Variants in SMG7 observed in about 807,000 individuals in gnomAD.
SMG7 encodes the protein nonsense-mediated mRNA decay factor SMG7.
Under a neutral mutation model 148.2 loss-of-function variants are expected in SMG7, and 34 were observed. The observed-to-expected ratio is 0.23, with a 90% CI of 0.17 to 0.31. The LOEUF (loss-of-function observed/expected upper bound fraction) is 0.31, where lower values mean the gene tolerates loss of function less well. Ranked by LOEUF, SMG7 falls within the 10% of genes least tolerant of loss-of-function variation. The pLI, the probability that SMG7 is intolerant of heterozygous loss-of-function variation, is 1.00. For missense variants in SMG7, 1,114 were observed against 1,408.4 expected, an observed-to-expected ratio of 0.79 and a Z score of 3.35; for synonymous variants, 492 against 515.1, an observed-to-expected ratio of 0.96 and a Z score of 0.61.
chr1:183,553,237 C>A lies in SMG7; in HGVS notation c.*1306C>A. The A allele has an allele frequency of 6.7e-7, 1 of 1,501,766 alleles. No homozygotes were observed. Among genetic ancestry groups the A allele is most frequent in the Non-Finnish European group, 8.9e-7 (1 of 1,120,834 alleles). 93.0% of individuals were successfully genotyped at this position (1,501,766 alleles called of 1,614,324 possible). On this transcript the variant is annotated 3_prime_UTR_variant, in exon 23 of 23. Coordinates refer to ENST00000688051, the MANE Select transcript of SMG7 (RefSeq NM_001375584.1). The stretch of plus-strand genomic sequence containing the variant: ...TGATATTTATTAGGAGGAAAGAGGA[C>A]TGAAAATGTTCTTGTGTAGAAACAG...
intron 8 of SMG7, 28 bp from the exon 9 acceptor site, chr1:183,533,136 T>C: frequency 6.3e-7 from 1 of 1,599,318 alleles, no homozygotes; most frequent in Non-Finnish European, 8.5e-7. Flanking sequence ...CTTGATAATA[T>C]ATGCAGTACG....
chr1:183,525,128 A>C (rs1310809590), intron 4 of SMG7, among the ~76,000 whole-genome samples: 1 of 152,210 alleles, frequency 6.6e-6, no homozygotes, highest in African/African-American at 2.4e-5. Flanking sequence ...CAGTGTGAAG[A>C]ACTGTGTGCG....
chr1:183,482,880 T>A lies in SMG7; in HGVS notation c.29+10231T>A, dbSNP rs569212474. On this transcript the variant is annotated intron_variant, in intron 1 of 22. Transcript: ENST00000688051. ...GGCTAATAGGACTTCATTTATAGAA[T>A]CCTCACCTTGAGATAAGGAGGTAGA... Among the ~76,000 whole-genome samples the A allele has an allele frequency of 2.1e-3, 318 of 152,202 alleles. 1 individual carries two copies. Among genetic ancestry groups the A allele is most frequent in the African/African-American group, 6.4e-3 (267 of 41,542 alleles).
intron 16 of SMG7, among the ~76,000 whole-genome samples, chr1:183,545,730 T>C (rs370055733): frequency 2.0e-5 from 3 of 152,204 alleles, no homozygotes; most frequent in African/African-American, 7.2e-5. Context: ...AATATATTCA[T>C]TCATTCATTA....
chr1:183,502,837 T>G (rs760085450), intron 1 of SMG7, among the ~76,000 whole-genome samples: 11 of 152,220 alleles, frequency 7.2e-5, no homozygotes, highest in Non-Finnish European at 1.3e-4. Context: ...CCCAAGTGCC[T>G]GTAGAAATAG....
chr1:183,483,545 T>C (rs1307996076), intron 1 of SMG7, among the ~76,000 whole-genome samples: 3 of 152,162 alleles, frequency 2.0e-5, no homozygotes, highest in Non-Finnish European at 4.4e-5. Context: ...AGAACCACCA[T>C]AGGATAAATT....
Position 183,553,247 on chromosome 1 carries a change from T to C in SMG7, c.*1316T>C. 1 of 1,484,276 alleles carries C rather than the reference T, an allele frequency of 6.7e-7. No homozygotes were observed. The highest frequency in any genetic ancestry group is 9.0e-7 in the Non-Finnish European group (1 of 1,108,128). 91.9% of individuals were successfully genotyped at this position (1,484,276 alleles called of 1,614,324 possible). A position where few individuals can be genotyped will look rare whatever the true frequency, so the allele number is the denominator to read the frequency against. On this transcript the variant is annotated 3_prime_UTR_variant, in exon 23 of 23. Transcript: ENST00000688051. ...TAGGAGGAAAGAGGACTGAAAATGT[T>C]CTTGTGTAGAAACAGAAGGACAGCA...
chr1:183,495,528 T>TTA (rs1253936381), intron 1 of SMG7, among the ~76,000 whole-genome samples: 9 of 152,160 alleles, frequency 5.9e-5, no homozygotes, highest in African/African-American at 2.2e-4. Flanking sequence ...GAAGAGTTCT[T>TTA]TATCAGATTC....
chr1:183,486,001 C>T (rs1229519276), intron 1 of SMG7, among the ~76,000 whole-genome samples: 2 of 152,174 alleles, frequency 1.3e-5, no homozygotes, highest in African/African-American at 2.4e-5. Context: ...ACTTCCCAGT[C>T]TTAATTTCTT....
chr1:183,539,417 T>C (rs528745932), intron 12 of SMG7, among the ~76,000 whole-genome samples: 2 of 152,316 alleles, frequency 1.3e-5, no homozygotes, highest in South Asian at 4.1e-4. Flanking sequence ...TGCCTCTGAA[T>C]GTTGTTGTTT....
chr1:183,472,562 C>G lies in SMG7; in HGVS notation c.-59C>G, dbSNP rs1650905773. 8 of 1,367,738 alleles carry G rather than the reference C, an allele frequency of 5.8e-6. No homozygotes were observed. Among genetic ancestry groups the G allele is most frequent in the Non-Finnish European group, 6.6e-6 (7 of 1,052,916 alleles). The allele number at this position is 1,367,738 out of a possible 1,614,324, so 84.7% of individuals were successfully genotyped here. ...CACCCGCGGTGCCGCGGGGCCGCTC[C>G]GAGGAGCCTGAGAGACCCACGGAGG... On this transcript the variant is annotated 5_prime_UTR_variant, in exon 1 of 23. Coordinates refer to ENST00000688051, the MANE Select transcript of SMG7 (RefSeq NM_001375584.1).
At chr1:183,485,382 G>T (rs138211264) in intron 1 of SMG7, among the ~76,000 whole-genome samples, 63 of 152,260 alleles carry the variant, frequency 4.1e-4, no homozygotes, top group African/African-American at 1.5e-3. Context: ...TAGATAATAA[G>T]CGGGAAGTGG....
At chr1:183,534,922 T>A (rs1175198036) in intron 10 of SMG7, among the ~76,000 whole-genome samples, 4 of 152,046 alleles carry the variant, frequency 2.6e-5, no homozygotes, top group African/African-American at 9.7e-5. Context: ...ATAAGCTCTT[T>A]CCATGATATA....
At chr1:183,521,132 T>A (rs913375224) in intron 4 of SMG7, among the ~76,000 whole-genome samples, 2 of 150,400 alleles carry the variant, frequency 1.3e-5, no homozygotes, top group Non-Finnish European at 3.0e-5. Context: ...GAGGCTGGAG[T>A]GCAGTGGCAC....
intron 1 of SMG7, among the ~76,000 whole-genome samples, chr1:183,510,192 A>G (rs1661818123): frequency 6.6e-6 from 1 of 152,176 alleles, no homozygotes; most frequent in East Asian, 1.9e-4. Flanking sequence ...TCGCAACTCA[A>G]GGACAAAATG....
At position 183,542,925 on chromosome 1, in the gene SMG7, A is replaced by ATGTGTG. The variant is rs761811792; in HGVS notation, c.1842+424_1842+425insGTGTGT. On this transcript the variant is annotated intron_variant, in intron 14 of 22. Transcript: ENST00000688051. ...TTTTTAGATTCACTATAATATATATATATGTGTGTGTGTGTGTGTGTGTGT... is the reference window on the plus strand; with the variant it reads ...TTTTTAGATTCACTATAATATATATATGTGTGTATGTGTGTGTGTGTGTGTGTGTGT... Among the ~76,000 whole-genome samples the ATGTGTG allele has an allele frequency of 2.7e-3, 386 of 141,616 alleles. 4 individuals are homozygous for ATGTGTG. Among genetic ancestry groups the ATGTGTG allele is most frequent in the African/African-American group, 5.4e-3 (194 of 36,122 alleles). 92.9% of individuals were successfully genotyped at this position (141,616 alleles called of 152,430 possible).
chr1:183,508,493 AT>A (rs1013514552), intron 1 of SMG7, among the ~76,000 whole-genome samples: 5 of 152,136 alleles, frequency 3.3e-5, no homozygotes, highest in South Asian at 2.1e-4. Context: ...TGCCTGGCCT[AT>A]TTTTTTCTTT....
At position 183,553,160 on chromosome 1, in the gene SMG7, C is replaced by T. The variant is rs979211275; in HGVS notation, c.*1229C>T. 34 of 1,536,280 alleles carry T rather than the reference C, an allele frequency of 2.2e-5. No homozygotes were observed. The highest frequency in any genetic ancestry group is 1.7e-4 in the Middle Eastern group (1 of 6,012). On this transcript the variant is annotated 3_prime_UTR_variant, in exon 23 of 23. Coordinates refer to ENST00000688051, the MANE Select transcript of SMG7 (RefSeq NM_001375584.1). Reference sequence around the variant, plus strand: ...TGCCCATCAGGCACAGAAGAAAACACGACGTCGTCCATTTTGGAAGAGACG... The same window carrying T: ...TGCCCATCAGGCACAGAAGAAAACATGACGTCGTCCATTTTGGAAGAGACG...
intron 14 of SMG7, 121 bp downstream of exon 14, chr1:183,542,623 T>G (rs1169316996): frequency 4.0e-6 from 3 of 746,302 alleles, no homozygotes; most frequent in African/African-American, 1.8e-5. Flanking sequence ...ATTATTTAAT[T>G]GCATAGTAAG....
Sources: gnomAD v4.1 joint callset for allele counts (sites outside exome capture counted in the v4.1 genomes callset) on GRCh38, gnomAD v4.1.1 for gene constraint, MANE v1.5 for transcripts, NCBI Gene and HGNC (gene_info 2026-07-23, HGNC 2026-07-21) for gene names.